The following CNTNAP2 variants were observed in gnomAD, a reference collection of about 807,000 sequenced individuals.
The protein encoded by CNTNAP2 is contactin associated protein 2.
Under a neutral mutation model 155.2 loss-of-function variants are expected in CNTNAP2, and 98 were observed. That is an observed-to-expected ratio of 0.63 (90% CI 0.54 to 0.75). CNTNAP2 has a LOEUF of 0.75. Ranked by LOEUF, CNTNAP2 falls within the 30% of genes least tolerant of loss-of-function variation. CNTNAP2 has a pLI of 0.00. For synonymous variants in CNTNAP2, 651 were observed against 631.2 expected (o/e 1.03, Z -0.47); for missense variants, 1,727 against 1,688.1 (o/e 1.02, Z -0.40).
intron 3 of CNTNAP2, among the ~76,000 whole-genome samples, chr7:146,930,885 ACTAT>A (rs1191195010): frequency 6.6e-6 from 1 of 152,202 alleles, no homozygotes. Flanking sequence ...AGAAGAGCTA[ACTAT>A]CCTAAATATA....
At chr7:148,181,413 G>A (rs1218036778) in intron 18 of CNTNAP2, among the ~76,000 whole-genome samples, 1 of 152,158 alleles carries the variant, frequency 6.6e-6, no homozygotes, top group African/African-American at 2.4e-5. Flanking sequence ...TCCATAAGTG[G>A]ACAGAAGTCC....
chr7:147,953,879 C>T (rs2116833479), intron 14 of CNTNAP2, among the ~76,000 whole-genome samples: 1 of 152,264 alleles, frequency 6.6e-6, no homozygotes, highest in South Asian at 2.1e-4. Context: ...CCTATTAGGA[C>T]ACTAGCCATT....
At position 148,308,495 on chromosome 7, in the gene CNTNAP2, T is replaced by A. The variant is rs1484636562; in HGVS notation, c.3475+41369T>A. On this transcript the variant is annotated intron_variant, in intron 21 of 23. Coordinates refer to ENST00000361727, the MANE Select transcript of CNTNAP2 (RefSeq NM_014141.6). ...TAAAAAGTAGATCCAATTTTAGAAG[T>A]TTGAAATCTAGTTTAAAAGCCTAGA... Among the ~76,000 whole-genome samples the A allele has an allele frequency of 2.6e-5, 4 of 152,130 alleles. No individual in the cohort carries two copies. The East Asian group carries it at 5.8e-4, about 22-fold the overall frequency.
chr7:147,364,676 C>T (rs1331875951), intron 9 of CNTNAP2, among the ~76,000 whole-genome samples: 1 of 152,052 alleles, frequency 6.6e-6, no homozygotes, highest in Non-Finnish European at 1.5e-5. Flanking sequence ...GGTGAAACCC[C>T]GTCTCTGCTA....
In CNTNAP2 at chr7:147,485,083, A is replaced by G. The variant is rs531530090; in HGVS notation, c.1671-852A>G. Among the ~76,000 whole-genome samples, 5 of 152,284 alleles carry G rather than the reference A, an allele frequency of 3.3e-5. No individual in the cohort carries two copies. The South Asian group carries it at 1.0e-3, about 32-fold the overall frequency. ...CATTGAAACAGGGGTGTTTCAGGAC[A>G]AATTTCAGCCTCACAATTTCTGAGG... On this transcript the variant is annotated intron_variant, in intron 10 of 23. Transcript: ENST00000361727.
intron 11 of CNTNAP2, among the ~76,000 whole-genome samples, chr7:147,538,290 T>C (rs1799582695): frequency 6.6e-6 from 1 of 152,204 alleles, no homozygotes; most frequent in Non-Finnish European, 1.5e-5. Flanking sequence ...ATCTTTTTAA[T>C]ACTATTTCCA....
chr7:146,428,700 G>T (rs1796130222), intron 1 of CNTNAP2, among the ~76,000 whole-genome samples: 1 of 151,544 alleles, frequency 6.6e-6, no homozygotes, highest in Admixed American at 6.6e-5. Flanking sequence ...TTTGTAGTTT[G>T]TCTGTTCACT....
chr7:147,397,217 G>T (rs1371373091), intron 10 of CNTNAP2, among the ~76,000 whole-genome samples: 1 of 151,828 alleles, frequency 6.6e-6, no homozygotes, highest in South Asian at 2.1e-4. Context: ...ATAGAATAGT[G>T]AACAATTTTA....
intron 8 of CNTNAP2, among the ~76,000 whole-genome samples, chr7:147,291,372 T>C (rs1805308115): frequency 6.6e-6 from 1 of 152,142 alleles, no homozygotes; most frequent in African/African-American, 2.4e-5. Context: ...TCCCTGTATC[T>C]ATTTTATAAA....
At chr7:148,335,600 C>T (rs1295029240) in intron 21 of CNTNAP2, among the ~76,000 whole-genome samples, 1 of 152,194 alleles carries the variant, frequency 6.6e-6, no homozygotes, top group South Asian at 2.1e-4. Flanking sequence ...GAAGATTAGG[C>T]AGACATCAGT....
intron 9 of CNTNAP2, among the ~76,000 whole-genome samples, chr7:147,362,193 T>C (rs1563175324): frequency 6.6e-6 from 1 of 152,140 alleles, no homozygotes; most frequent in African/African-American, 2.4e-5. Flanking sequence ...AGTGCAGTGG[T>C]GCGATCACAG....
chr7:147,690,656 T>C (rs1055371979), intron 13 of CNTNAP2, among the ~76,000 whole-genome samples: 11 of 152,114 alleles, frequency 7.2e-5, no homozygotes, highest in African/African-American at 2.4e-4. Context: ...TCTGGACTGT[T>C]GGGGTGGGAG....
At chr7:147,602,788 T>A (rs1396554352) in intron 12 of CNTNAP2, among the ~76,000 whole-genome samples, 2 of 152,080 alleles carry the variant, frequency 1.3e-5, no homozygotes, top group Admixed American at 6.5e-5. Context: ...TGATTTCCAA[T>A]TTCATCCATG....
intron 3 of CNTNAP2, among the ~76,000 whole-genome samples, chr7:147,026,734 T>A (rs565215720): frequency 6.6e-6 from 1 of 151,998 alleles, no homozygotes; most frequent in Admixed American, 6.5e-5. Flanking sequence ...ACCACTGTTT[T>A]ATTCTCAAAA....
At chr7:148,249,895 C>G (rs923070201) in intron 20 of CNTNAP2, among the ~76,000 whole-genome samples, 1 of 152,212 alleles carries the variant, frequency 6.6e-6, no homozygotes, top group South Asian at 2.1e-4. Context: ...GGCCTCCTGA[C>G]GGGTCTCCAA....
intron 1 of CNTNAP2, among the ~76,000 whole-genome samples, chr7:146,415,469 G>A (rs1461212222): frequency 2.0e-5 from 3 of 152,098 alleles, no homozygotes; most frequent in Non-Finnish European, 4.4e-5. Flanking sequence ...AAATAGTACA[G>A]CTAGTAAAAT....
intron 15 of CNTNAP2, among the ~76,000 whole-genome samples, chr7:148,115,942 C>G (rs1804459883): frequency 6.6e-6 from 1 of 151,958 alleles, no homozygotes; most frequent in Non-Finnish European, 1.5e-5. Context: ...AGTTCGAGAC[C>G]AGCCTGACCA....
rs954942108 is a variant in CNTNAP2 at position 146,781,859 on chromosome 7, A to T, written c.208+7478A>T. Among the ~76,000 whole-genome samples, 4 of 152,066 alleles carry T rather than the reference A, an allele frequency of 2.6e-5. No homozygotes were observed. The East Asian group carries it at 7.7e-4, about 29-fold the overall frequency. ...TAGAACTGCAGCTGATATACTATAA[A>T]CTGGGAACGGAACCACAGCGCGTCC... On this transcript the variant is annotated intron_variant, in intron 2 of 23. Coordinates refer to ENST00000361727, the MANE Select transcript of CNTNAP2 (RefSeq NM_014141.6).
intron 1 of CNTNAP2, among the ~76,000 whole-genome samples, chr7:146,276,857 C>T (rs112229503): frequency 9.6e-4 from 146 of 152,260 alleles, no homozygotes; most frequent in African/African-American, 3.2e-3. Context: ...TACTAAATGA[C>T]TGAATTAGAA....
Sources: allele counts gnomAD v4.1 joint callset (sites outside exome capture counted in the v4.1 genomes callset), GRCh38; gene constraint gnomAD v4.1.1; transcripts MANE v1.5; gene names NCBI Gene and HGNC (gene_info 2026-07-23, HGNC 2026-07-21).